COLQ: variants seen among roughly 807,000 people sequenced by gnomAD.
The protein encoded by COLQ is acetylcholinesterase collagenic tail peptide.
A neutral mutation model predicts 69.0 loss-of-function variants in COLQ; 48 were observed. That is an observed-to-expected ratio of 0.70 (90% CI 0.55 to 0.88). The LOEUF is 0.88. Among genes scored for constraint, COLQ ranks in the 40% least tolerant of loss-of-function variants. COLQ has a pLI of 0.00. For synonymous variants in COLQ, 217 were observed against 211.2 expected (o/e 1.03, Z -0.24); for missense variants, 618 against 594.6 (o/e 1.04, Z -0.41).
intron 1 of COLQ, 31 bp from the exon 2 acceptor site, chr3:15,489,668 T>C (rs781362057): frequency 6.3e-7 from 1 of 1,598,606 alleles, no homozygotes; most frequent in East Asian, 2.2e-5. Flanking sequence ...CTCGTTAGCA[T>C]GTGGTCAGTG....
chr3:15,517,414 C>A (rs947640209), intron 1 of COLQ, among the ~76,000 whole-genome samples: 9 of 152,146 alleles, frequency 5.9e-5, no homozygotes, highest in African/African-American at 2.2e-4. Flanking sequence ...AGGAGTGCTG[C>A]GAGAATTACA....
In COLQ at chr3:15,473,737, C is replaced by CA. The variant is rs938002265; in HGVS notation, c.636+262dup. On this transcript the variant is annotated intron_variant, in intron 10 of 16. Coordinates refer to ENST00000383788, the MANE Select transcript of COLQ (RefSeq NM_005677.4). The surrounding 1 kb of genome is among the most constrained non-coding windows in gnomAD (Gnocchi z 4.0). ...CTAAGAGGTAGGAAAAGCAAAAAAG[C>CA]AAAAAAACAAACAAACAAACAAAAA... is the stretch of plus-strand genomic sequence containing the variant. 3.9e-5 allele frequency among the ~76,000 whole-genome samples: 6 copies of CA among 152,008 alleles called. No homozygotes were observed. The highest frequency in any genetic ancestry group is 3.9e-4 in the East Asian group (2 of 5,178).
intron 15 of COLQ, among the ~76,000 whole-genome samples, chr3:15,455,488 C>G (rs2062011025): frequency 6.6e-6 from 1 of 152,244 alleles, no homozygotes; most frequent in Non-Finnish European, 1.5e-5. Context: ...TACTAGAGCT[C>G]TACCTGGTAA....
chr3:15,475,119 G>T, intron 7 of COLQ, 168 bp from the exon 8 acceptor site: 1 of 771,146 alleles, frequency 1.3e-6, no homozygotes, highest in Non-Finnish European at 2.2e-6. Flanking sequence ...GAGGGTTGTG[G>T]TTATACCAGG....
Position 15,484,561 on chromosome 3 carries a change from C to T in COLQ, c.321+3645G>A, listed in dbSNP as rs372466248. Among the ~76,000 whole-genome samples, 66 of 152,318 alleles carry T rather than the reference C, an allele frequency of 4.3e-4. 2 individuals carry two copies. In the East Asian group the frequency reaches 9.3e-3, roughly 21 times the overall value. ...GTCACTTTCAGGTACACCAATCAGA[C>T]GTAGATTTGGTCTTTTCACATAGTC... On this transcript the variant is annotated intron_variant, in intron 3 of 16. Coordinates refer to ENST00000383788, the MANE Select transcript of COLQ (RefSeq NM_005677.4).
chr3:15,487,843 G>A (rs748631448), intron 3 of COLQ, among the ~76,000 whole-genome samples: 6 of 152,150 alleles, frequency 3.9e-5, no homozygotes, highest in African/African-American at 7.2e-5. Context: ...AGGCACCTCT[G>A]GGTCCACAGG....
chr3:15,515,537 C>T (rs556645213), intron 1 of COLQ, among the ~76,000 whole-genome samples: 2 of 152,214 alleles, frequency 1.3e-5, no homozygotes, highest in African/African-American at 4.8e-5. Context: ...GGACCAGGGG[C>T]AGTGGCTCAT....
At chr3:15,467,806 C>T in intron 11 of COLQ, 1 of 452,704 alleles carries the variant, frequency 2.2e-6, no homozygotes, top group Non-Finnish European at 4.4e-6. Flanking sequence ...GGGGAGCAGG[C>T]AGGCTTGGGA....
At chr3:15,518,072 A>G (rs2063086485) in intron 1 of COLQ, among the ~76,000 whole-genome samples, 1 of 152,134 alleles carries the variant, frequency 6.6e-6, no homozygotes, top group African/African-American at 2.4e-5. Context: ...CAGCCTCCTG[A>G]GTAGCTGGGA....
At chr3:15,484,839 G>C (rs1418216252) in intron 3 of COLQ, among the ~76,000 whole-genome samples, 1 of 151,744 alleles carries the variant, frequency 6.6e-6, no homozygotes, top group East Asian at 1.9e-4. Flanking sequence ...CAAGGTTTTA[G>C]CTTCTTTAGC....
At chr3:15,451,966 T>C (rs1218612138) in intron 16 of COLQ, among the ~76,000 whole-genome samples, 1 of 152,152 alleles carries the variant, frequency 6.6e-6, no homozygotes. Flanking sequence ...TCCCCCTTGC[T>C]ACGATGCAGC....
At chr3:15,458,109 A>T (rs1361426910) in intron 13 of COLQ, 77 bp downstream of exon 13, 1 of 1,541,514 alleles carries the variant, frequency 6.5e-7, no homozygotes, top group Admixed American at 1.7e-5. Flanking sequence ...TACTGAAAGG[A>T]TTTTACAAAG....
intron 1 of COLQ, chr3:15,498,496 C>A: frequency 6.5e-7 from 1 of 1,545,498 alleles, no homozygotes; most frequent in Non-Finnish European, 8.8e-7. Flanking sequence ...CGTGCACACA[C>A]GCACACACAA....
In COLQ at chr3:15,475,447, G is replaced by C. The variant is rs104893734; in HGVS notation, c.506C>G (p.Ser169Ter). The C allele has an allele frequency of 5.6e-6, 9 of 1,601,938 alleles. No individual in the cohort carries two copies. The South Asian group carries it at 1.0e-4, about 18-fold the overall frequency. The part of the protein sequence containing the change: ...GDLGMMGLPG[S>*]RGPMGSKGYP... ...GACCTTGGAGCCCATTGGTCCTCTT[G>C]ACCCTGGCAAGCCCATCATACCCAG... Residue 169 changes from serine to a stop codon, truncating the protein, a stop_gained, in exon 7 of 17, where the codon TCA becomes TGA. Coordinates refer to ENST00000383788, the MANE Select transcript of COLQ (RefSeq NM_005677.4). LOFTEE classifies it high-confidence loss of function.
intron 8 of COLQ, among the ~76,000 whole-genome samples, 169 bp downstream of exon 8, chr3:15,474,756 A>AG (rs1320710495): frequency 6.6e-6 from 1 of 152,224 alleles, no homozygotes; most frequent in Non-Finnish European, 1.5e-5. Flanking sequence ...CTGCTTCAGG[A>AG]GGTCCCTCAC....
chr3:15,473,026 A>T lies in COLQ; in HGVS notation c.636+974T>A. Reference sequence around the variant, plus strand: ...AGGCATGTGCCACCATGACCTGCTAATTTTTTTTTTTTTAGAGATGAGATA... The same window carrying T: ...AGGCATGTGCCACCATGACCTGCTATTTTTTTTTTTTTTAGAGATGAGATA... On this transcript the variant is annotated intron_variant, in intron 10 of 16. Transcript: ENST00000383788. The surrounding 1 kb of genome is among the most constrained non-coding windows in gnomAD (Gnocchi z 4.0). 6.9e-6 allele frequency among the ~76,000 whole-genome samples: 1 copy of T among 144,148 alleles called. No homozygotes were observed. Among genetic ancestry groups the T allele is most frequent in the South Asian group, 2.2e-4 (1 of 4,490 alleles). The allele number at this position is 144,148 out of a possible 152,430, so 94.6% of individuals were successfully genotyped here. A position where few individuals can be genotyped will look rare whatever the true frequency, so the allele number is the denominator to read the frequency against.
At chr3:15,457,656 A>G (rs1169419583) in intron 13 of COLQ, among the ~76,000 whole-genome samples, 1 of 150,688 alleles carries the variant, frequency 6.6e-6, no homozygotes. Flanking sequence ...TCTGTTGCCC[A>G]GGCTGGAGTG....
intron 1 of COLQ, among the ~76,000 whole-genome samples, chr3:15,519,992 T>C (rs2063114994): frequency 6.6e-6 from 1 of 152,238 alleles, no homozygotes; most frequent in Non-Finnish European, 1.5e-5. Context: ...ATGGTGCTTA[T>C]AGTGTAAGGC....
chr3:15,466,548 G>C (rs1054441126), intron 11 of COLQ, 111 bp from the exon 12 acceptor site: 73 of 848,720 alleles, frequency 8.6e-5, no homozygotes, highest in Middle Eastern at 4.4e-4. Context: ...AGAGCCCAGT[G>C]GGGGATGCAG....
Sources: gnomAD v4.1 joint callset for allele counts (sites outside exome capture counted in the v4.1 genomes callset) on GRCh38, gnomAD v4.1.1 for gene constraint, Gnocchi (gnomAD v3.1) non-coding constraint, MANE v1.5 for transcripts, NCBI Gene and HGNC (gene_info 2026-07-23, HGNC 2026-07-21) for gene names.